Variants in VPS13B observed in about 807,000 individuals in gnomAD.
The protein encoded by VPS13B is vacuolar protein sorting 13 homolog B.
Under a neutral mutation model 426.4 loss-of-function variants are expected in VPS13B, and 285 were observed. The ratio of observed to expected loss-of-function variants is 0.67; its 90% CI spans 0.61 to 0.74. The LOEUF (loss-of-function observed/expected upper bound fraction) is 0.74, where lower values mean the gene tolerates loss of function less well. Ranked by LOEUF, VPS13B falls within the 30% of genes least tolerant of loss-of-function variation. The probability of loss-of-function intolerance (pLI) is 0.00; values close to 1 mark genes in which losing one functional copy is unlikely to be tolerated. For synonymous variants in VPS13B, 1,676 were observed against 1,676.4 expected (o/e 1.00, Z 0.01); for missense variants, 4,537 against 4,782.6 (o/e 0.95, Z 1.51).
At chr8:99,399,179 T>C (rs938997170) in intron 21 of VPS13B, among the ~76,000 whole-genome samples, 1 of 152,166 alleles carries the variant, frequency 6.6e-6, no homozygotes, top group South Asian at 2.1e-4. Context: ...CTTGAAAATG[T>C]AATTCAGAAA....
At chr8:99,078,242 GT>G (rs1845244472) in intron 3 of VPS13B, among the ~76,000 whole-genome samples, 1 of 150,352 alleles carries the variant, frequency 6.7e-6, no homozygotes, top group Admixed American at 6.7e-5. Context: ...TGTTTCTTGT[GT>G]CTTTATGTTG....
intron 17 of VPS13B, among the ~76,000 whole-genome samples, chr8:99,235,113 A>G (rs570786062): frequency 6.6e-5 from 10 of 152,310 alleles, no homozygotes; most frequent in African/African-American, 2.2e-4. Flanking sequence ...TAGGGGAAAG[A>G]AAATATAATT....
At chr8:99,051,745 C>T (rs1843565893) in intron 3 of VPS13B, among the ~76,000 whole-genome samples, 1 of 152,218 alleles carries the variant, frequency 6.6e-6, no homozygotes, top group South Asian at 2.1e-4. Context: ...AGGTCCTTCA[C>T]ATCCCTTGTA....
intron 6 of VPS13B, among the ~76,000 whole-genome samples, chr8:99,111,710 A>G (rs533387279): frequency 3.9e-5 from 6 of 152,196 alleles, no homozygotes; most frequent in Non-Finnish European, 7.4e-5. Flanking sequence ...ATACTAACCT[A>G]ATAGTTTATT....
At chr8:99,763,780 T>C (rs1311166970) in intron 39 of VPS13B, among the ~76,000 whole-genome samples, 2 of 152,078 alleles carry the variant, frequency 1.3e-5, no homozygotes, top group Non-Finnish European at 2.9e-5. Context: ...TTTCAAGAAA[T>C]GGTGGCTAAA....
intron 3 of VPS13B, among the ~76,000 whole-genome samples, chr8:99,074,540 A>G (rs549015332): frequency 1.3e-5 from 2 of 151,620 alleles, no homozygotes; most frequent in African/African-American, 2.4e-5. Context: ...TGATTATAGT[A>G]TATTATGATG....
chr8:99,511,189 G>A lies in VPS13B; in HGVS notation c.4310G>A (p.Arg1437His), dbSNP rs750810791. ...ACAAAAGCTGTAACAAAAAATGTCC[G>A]CCACAAGTTAACATCAAGAAATGAG... ...TYTKAVTKNV[R>H]HKLTSRNERR... The change falls in exon 29 of 62, where the codon CGC becomes CAC. Residue 1437 changes from arginine (R) to histidine (H), a missense_variant. Physicochemically the swap from Arg to His is conservative, Grantham distance 29. Coordinates refer to ENST00000357162, the MANE Select transcript of VPS13B (RefSeq NM_152564.5). 2.0e-5 allele frequency: 33 copies of A among 1,613,816 alleles called. No homozygotes were observed. Among genetic ancestry groups the A allele is most frequent in the East Asian group, 6.7e-5 (3 of 44,878 alleles).
intron 33 of VPS13B, among the ~76,000 whole-genome samples, chr8:99,581,919 T>TG (rs1826081345): frequency 6.6e-6 from 1 of 152,264 alleles, no homozygotes; most frequent in African/African-American, 2.4e-5. Context: ...CCGTGACATC[T>TG]GGCTCTAGAG....
Position 99,409,666 on chromosome 8 carries a change from G to A in VPS13B, c.3082+17962G>A, listed in dbSNP as rs190338000. On this transcript the variant is annotated intron_variant, in intron 21 of 61. Coordinates refer to ENST00000357162, the MANE Select transcript of VPS13B (RefSeq NM_152564.5). ...CCAAGGATCATAACTTTCTTTTTCC[G>A]CTCTCCACTTACAGGAAAAACAATT... 9.2e-5 allele frequency among the ~76,000 whole-genome samples: 14 copies of A among 151,840 alleles called. No homozygotes were observed. In the East Asian group the frequency reaches 9.7e-4, roughly 10 times the overall value.
intron 19 of VPS13B, among the ~76,000 whole-genome samples, chr8:99,349,359 A>C (rs940241004): frequency 4.8e-5 from 7 of 145,532 alleles, no homozygotes; most frequent in African/African-American, 1.8e-4. Context: ...AAAAAAAGAA[A>C]ATAGCATGCT....
intron 19 of VPS13B, among the ~76,000 whole-genome samples, chr8:99,336,982 A>AT (rs1234337631): frequency 2.6e-5 from 4 of 152,024 alleles, no homozygotes; most frequent in Non-Finnish European, 5.9e-5. Context: ...AGAACTAGAA[A>AT]TACCATTTGA....
chr8:99,717,426 C>A, intron 37 of VPS13B, 53 bp downstream of exon 37: 1 of 1,479,074 alleles, frequency 6.8e-7, no homozygotes, highest in Non-Finnish European at 9.4e-7. Flanking sequence ...AGCCTCTGTT[C>A]ATTTTTTGAA....
intron 3 of VPS13B, among the ~76,000 whole-genome samples, chr8:99,056,595 G>A (rs1843880389): frequency 6.6e-6 from 1 of 152,176 alleles, no homozygotes; most frequent in Admixed American, 6.5e-5. Flanking sequence ...TCCTTGTCTT[G>A]TTATTTATCT....
At chr8:99,300,172 C>G (rs1820283024) in intron 19 of VPS13B, among the ~76,000 whole-genome samples, 1 of 152,070 alleles carries the variant, frequency 6.6e-6, no homozygotes, top group South Asian at 2.1e-4. Flanking sequence ...TGTGTGTACA[C>G]CAGGGGTGAG....
At chr8:99,677,050 A>G (rs1830965488) in intron 35 of VPS13B, among the ~76,000 whole-genome samples, 1 of 152,200 alleles carries the variant, frequency 6.6e-6, no homozygotes, top group South Asian at 2.1e-4. Context: ...CAGGAGGCAG[A>G]AGGTGCAATG....
chr8:99,169,610 A>T (rs1588109712), intron 15 of VPS13B, among the ~76,000 whole-genome samples: 1 of 150,636 alleles, frequency 6.6e-6, no homozygotes, highest in African/African-American at 2.4e-5. Flanking sequence ...ATACATTTTT[A>T]AACAGTTTTT....
At position 99,753,740 on chromosome 8, in the gene VPS13B, C is replaced by A. The variant is rs761111192; in HGVS notation, c.7051-13034C>A. On this transcript the variant is annotated intron_variant, in intron 39 of 61. Coordinates refer to ENST00000357162, the MANE Select transcript of VPS13B (RefSeq NM_152564.5). ...AACGTTACACATTTCCTTTTAAAGTCTAAAAAGTATTTCTCAGGGCTCTTA... is the reference window on the plus strand; with the variant it reads ...AACGTTACACATTTCCTTTTAAAGTATAAAAAGTATTTCTCAGGGCTCTTA... Among the ~76,000 whole-genome samples the A allele has an allele frequency of 2.9e-4, 44 of 152,138 alleles. 1 individual carries two copies. The highest frequency in any genetic ancestry group is 5.9e-5 in the Non-Finnish European group (4 of 68,030).
chr8:99,069,794 C>T (rs76254082), intron 3 of VPS13B, among the ~76,000 whole-genome samples: 12,659 of 152,044 alleles, frequency 0.083, 895 homozygotes, highest in African/African-American at 0.19. Context: ...AACTTTAGAG[C>T]GCATATAGTT....
chr8:99,783,344 G>T (rs190161371), intron 42 of VPS13B, among the ~76,000 whole-genome samples: 2 of 152,178 alleles, frequency 1.3e-5, no homozygotes, highest in African/African-American at 4.8e-5. Context: ...TCAGTTACAT[G>T]TTATCTCCCA....
Sources: gnomAD v4.1 joint callset for allele counts (sites outside exome capture counted in the v4.1 genomes callset) on GRCh38, gnomAD v4.1.1 for gene constraint, MANE v1.5 for transcripts, NCBI Gene and HGNC (gene_info 2026-07-23, HGNC 2026-07-21) for gene names.